Variants in CNTN6 observed in about 807,000 individuals in gnomAD.
The protein encoded by CNTN6 is contactin-6.
Under a neutral mutation model 122.8 loss-of-function variants are expected in CNTN6, and 137 were observed. That is an observed-to-expected ratio of 1.12 (90% CI 0.97 to 1.29). The LOEUF is 1.29. Among genes scored for constraint, CNTN6 ranks in the 50% most tolerant of loss-of-function variants. The pLI, the probability that CNTN6 is intolerant of heterozygous loss-of-function variation, is 0.00. For synonymous variants in CNTN6, 570 were observed against 426.0 expected (o/e 1.34, Z -4.16); for missense variants, 1,634 against 1,223.4 (o/e 1.34, Z -5.01).
At position 1,147,987 on chromosome 3, in the gene CNTN6, T is replaced by C. The variant is rs770934754; in HGVS notation, c.-22T>C. The stretch of plus-strand genomic sequence containing the variant: ...GTTCCACCTGATTGTATGGGAGAAA[T>C]TTTTGACCTTAGAAAGTGGAAATGA... On this transcript the variant is annotated 5_prime_UTR_variant, in exon 2 of 23. Coordinates refer to ENST00000446702, the MANE Select transcript of CNTN6 (RefSeq NM_001289080.2). 1 of 1,598,410 alleles carries C rather than the reference T, an allele frequency of 6.3e-7. No homozygotes were observed. Among genetic ancestry groups the C allele is most frequent in the East Asian group, 2.2e-5 (1 of 44,664 alleles).
chr3:1,201,099 TTGTGTGTGTGTGTGTGTG>T lies in CNTN6; in HGVS notation c.56-19558_56-19541del, dbSNP rs57028088. Among the ~76,000 whole-genome samples the T allele has an allele frequency of 1.5e-4, 19 of 130,086 alleles. No individual in the cohort carries two copies. The South Asian group carries it at 2.1e-3, about 14-fold the overall frequency. 85.3% of individuals were successfully genotyped at this position (130,086 alleles called of 152,430 possible). On this transcript the variant is annotated intron_variant, in intron 2 of 22. Coordinates refer to ENST00000446702, the MANE Select transcript of CNTN6 (RefSeq NM_001289080.2). ...GGCACCACTGTGCCCAGCTAACATT[TTGTGTGTGTGTGTGTGTG>T]TGTGTGTGTGTGTGTGTGTGTGTGT...
intron 20 of CNTN6, 55 bp downstream of exon 20, chr3:1,385,852 C>G: frequency 7.0e-7 from 1 of 1,438,268 alleles, no homozygotes; most frequent in East Asian, 2.5e-5. Flanking sequence ...GCAACCTATT[C>G]CTTTGCTTGA....
At chr3:1,195,352 C>T (rs937933995) in intron 2 of CNTN6, among the ~76,000 whole-genome samples, 1 of 152,096 alleles carries the variant, frequency 6.6e-6, no homozygotes, top group East Asian at 1.9e-4. Flanking sequence ...TGGTAATCTT[C>T]TCCTGATTTC....
At chr3:1,293,533 G>A (rs142514393) in intron 5 of CNTN6, among the ~76,000 whole-genome samples, 1 of 152,246 alleles carries the variant, frequency 6.6e-6, no homozygotes, top group African/African-American at 2.4e-5. Context: ...GAACATATCA[G>A]AAATAATTAG....
At chr3:1,124,646 T>G (rs991721242) in intron 1 of CNTN6, among the ~76,000 whole-genome samples, 2 of 151,748 alleles carry the variant, frequency 1.3e-5, no homozygotes, top group Non-Finnish European at 2.9e-5. Context: ...CTAAAGAACT[T>G]ATACATGTAA....
intron 11 of CNTN6, among the ~76,000 whole-genome samples, chr3:1,339,954 A>G (rs959378122): frequency 6.6e-5 from 10 of 152,184 alleles, no homozygotes; most frequent in African/African-American, 2.4e-4. Context: ...TAAGAATAAT[A>G]ATGATGATGA....
At chr3:1,158,046 G>C (rs2093016458) in intron 2 of CNTN6, among the ~76,000 whole-genome samples, 1 of 152,146 alleles carries the variant, frequency 6.6e-6, no homozygotes, top group Non-Finnish European at 1.5e-5. Context: ...GGGGGCCCTA[G>C]TTTTAGTCTT....
At chr3:1,217,554 T>G (rs934306649) in intron 2 of CNTN6, among the ~76,000 whole-genome samples, 3 of 152,212 alleles carry the variant, frequency 2.0e-5, no homozygotes, top group African/African-American at 7.2e-5. Flanking sequence ...GAGACATCAA[T>G]TCAAAAGTAT....
intron 1 of CNTN6, among the ~76,000 whole-genome samples, chr3:1,105,124 C>G (rs79487671): frequency 0.02 from 2,988 of 152,146 alleles, 108 homozygotes; most frequent in African/African-American, 0.069. Flanking sequence ...AGACAACTCC[C>G]TCTGTACTTG....
intron 5 of CNTN6, among the ~76,000 whole-genome samples, chr3:1,287,728 A>T (rs1381242966): frequency 6.6e-6 from 1 of 152,176 alleles, no homozygotes; most frequent in Non-Finnish European, 1.5e-5. Context: ...TATGCTAATT[A>T]TAATGCATTA....
rs573953302 is a variant in CNTN6 at position 1,241,134 on chromosome 3, GTT to G, written c.358+13145_358+13146del. On this transcript the variant is annotated intron_variant, in intron 4 of 22. Coordinates refer to ENST00000446702, the MANE Select transcript of CNTN6 (RefSeq NM_001289080.2). ...TGGTGGAATGTCATCAGTTAAGGCTGTTTTTACTTCTTTTGTGGATCTTCAGT... is the reference window on the plus strand; with the variant it reads ...TGGTGGAATGTCATCAGTTAAGGCTGTTTACTTCTTTTGTGGATCTTCAGT... Among the ~76,000 whole-genome samples, 306 of 151,930 alleles carry G rather than the reference GTT, an allele frequency of 2.0e-3. 1 individual carries two copies. Among genetic ancestry groups the G allele is most frequent in the African/African-American group, 6.9e-3 (285 of 41,216 alleles).
intron 2 of CNTN6, among the ~76,000 whole-genome samples, chr3:1,198,198 A>T (rs774337337): frequency 6.6e-6 from 1 of 152,198 alleles, no homozygotes; most frequent in Non-Finnish European, 1.5e-5. Flanking sequence ...AAACAAAAAA[A>T]ACTTATTCCT....
At chr3:1,223,085 T>C (rs1372198731) in intron 3 of CNTN6, among the ~76,000 whole-genome samples, 4 of 152,212 alleles carry the variant, frequency 2.6e-5, no homozygotes, top group Non-Finnish European at 2.9e-5. Flanking sequence ...ATTTTATTTT[T>C]TAAAAAGCCT....
At chr3:1,333,252 C>T (rs1044794242) in intron 11 of CNTN6, among the ~76,000 whole-genome samples, 7 of 151,958 alleles carry the variant, frequency 4.6e-5, no homozygotes, top group African/African-American at 1.7e-4. Flanking sequence ...TGCATGTGTA[C>T]ATACACTGTT....
intron 4 of CNTN6, among the ~76,000 whole-genome samples, chr3:1,249,727 C>T (rs1053766538): frequency 6.6e-6 from 1 of 152,262 alleles, no homozygotes; most frequent in Non-Finnish European, 1.5e-5. Flanking sequence ...TTATATAACC[C>T]TCCTGTAATT....
At chr3:1,215,308 C>G (rs1442795213) in intron 2 of CNTN6, among the ~76,000 whole-genome samples, 1 of 152,208 alleles carries the variant, frequency 6.6e-6, no homozygotes, top group Non-Finnish European at 1.5e-5. Context: ...ATCTATGTTT[C>G]TAATCCATTA....
At chr3:1,286,139 A>C (rs540436689) in intron 5 of CNTN6, among the ~76,000 whole-genome samples, 3 of 152,110 alleles carry the variant, frequency 2.0e-5, no homozygotes, top group Non-Finnish European at 1.5e-5. Context: ...ATTTTCCAAC[A>C]CTGGTACACT....
At chr3:1,366,306 G>C (rs939023666) in intron 12 of CNTN6, among the ~76,000 whole-genome samples, 1 of 152,122 alleles carries the variant, frequency 6.6e-6, no homozygotes, top group African/African-American at 2.4e-5. Context: ...ATAGAGTCTA[G>C]CGTAGTCAAC....
At chr3:1,153,947 G>T (rs369086881) in intron 2 of CNTN6, among the ~76,000 whole-genome samples, 3 of 152,110 alleles carry the variant, frequency 2.0e-5, no homozygotes. Flanking sequence ...CTCTGCCTAC[G>T]GTCTTGTTTG....
Sources: allele counts gnomAD v4.1 joint callset (sites outside exome capture counted in the v4.1 genomes callset), GRCh38; gene constraint gnomAD v4.1.1; transcripts MANE v1.5; gene names NCBI Gene and HGNC (gene_info 2026-07-23, HGNC 2026-07-21).